DNMT3A: variants seen among roughly 807,000 people sequenced by gnomAD.
The protein encoded by DNMT3A is DNA methyltransferase 3 alpha, also known as DNA (cytosine-5)-methyltransferase 3A.
DNMT3A carries 267 observed loss-of-function variants against 117.6 expected under a neutral mutation model. The observed-to-expected ratio is 2.27, with a 90% CI of 2.05 to 2.51. The LOEUF is 2.51. DNMT3A is among the 30% of genes most tolerant of loss of function. The probability of loss-of-function intolerance (pLI) is 0.00; values close to 1 mark genes in which losing one functional copy is unlikely to be tolerated. For synonymous variants in DNMT3A, 432 were observed against 474.8 expected, an observed-to-expected ratio of 0.91 and a Z score of 1.17; for missense variants, 1,029 against 1,260.2, an observed-to-expected ratio of 0.82 and a Z score of 2.78.
rs1379572994 is a variant in DNMT3A at position 25,305,689 on chromosome 2, T to C, written c.73-5446A>G. Among the ~76,000 whole-genome samples the C allele has an allele frequency of 6.6e-6, 1 of 152,142 alleles. No individual in the cohort carries two copies. The highest frequency in any genetic ancestry group is 1.5e-5 in the Non-Finnish European group (1 of 68,018). ...GTCTTTCTACTGCAACATGCCACTA[T>C]ACCCTACCATGTCAACAGGCACACA... On this transcript the variant is annotated intron_variant, in intron 2 of 22. Coordinates refer to ENST00000321117, the MANE Select transcript of DNMT3A (RefSeq NM_022552.5). The surrounding 1 kb of genome is among the most constrained non-coding windows in gnomAD (Gnocchi z 4.1).
chr2:25,233,798 C>CAA lies in DNMT3A; in HGVS notation c.*479_*480dup, dbSNP rs746335384. The CAA allele has an allele frequency of 2.2e-4, 36 of 162,184 alleles. No individual in the cohort carries two copies. Among genetic ancestry groups the CAA allele is most frequent in the African/African-American group, 3.5e-4 (12 of 34,738 alleles). The allele number at this position is 162,184 out of a possible 1,614,324, so 10.0% of individuals were successfully genotyped here. ...AAACCCAAAAAAAAAAAACAAAAAA[C>CAA]AAAAAAAAAAACAACCCAATATATA... is the stretch of plus-strand genomic sequence containing the variant. On this transcript the variant is annotated 3_prime_UTR_variant, in exon 23 of 23. Transcript: ENST00000321117.
chr2:25,244,787 A>G (rs1674542066), intron 13 of DNMT3A, 135 bp from the exon 14 acceptor site: 4 of 718,950 alleles, frequency 5.6e-6, no homozygotes, highest in South Asian at 3.4e-5. Context: ...AGCCAGGGTC[A>G]GGCCCCAGCT....
chr2:25,319,181 A>C (rs2034499189), intron 1 of DNMT3A, among the ~76,000 whole-genome samples: 1 of 145,814 alleles, frequency 6.9e-6, no homozygotes, highest in African/African-American at 2.6e-5. Flanking sequence ...CACCCGGCTA[A>C]TTTTTTGTAT....
In DNMT3A at chr2:25,247,456, CCACCACA is replaced by C; in HGVS notation, c.1014+128_1014+134del. 7.4e-7 allele frequency: 1 copy of C among 1,353,198 alleles called. No individual in the cohort carries two copies. The highest frequency in any genetic ancestry group is 1.4e-5 in the South Asian group (1 of 70,784). 83.8% of individuals were successfully genotyped at this position (1,353,198 alleles called of 1,614,324 possible). On this transcript the variant is annotated intron_variant, in intron 8 of 22. Transcript: ENST00000321117. This position sits in a 1 kb window ranked among gnomAD's most constrained non-coding sequence, Gnocchi z 5.6. ...TAATTATCCCTACAGCTTCTTCCAC[CCACCACA>C]GGCAGAGTAGGGGTGAGCAGAACCC...
At position 25,282,338 on chromosome 2, in the gene DNMT3A, G is replaced by A. The variant is rs776091020; in HGVS notation, c.448+103C>T. The A allele has an allele frequency of 2.4e-5, 36 of 1,518,534 alleles. No individual in the cohort carries two copies. The highest frequency in any genetic ancestry group is 3.0e-5 in the Non-Finnish European group (34 of 1,126,872). The allele number at this position is 1,518,534 out of a possible 1,614,324, so 94.1% of individuals were successfully genotyped here. On this transcript the variant is annotated intron_variant, in intron 4 of 22. Transcript: ENST00000321117. This position sits in a 1 kb window ranked among gnomAD's most constrained non-coding sequence, Gnocchi z 5.2. ...CCTTGGCAAGCAGACCTTTAGCCAC[G>A]ACCCAGACCATCCTTCCTGGGACCT...
At chr2:25,318,576 G>A (rs771275674) in intron 1 of DNMT3A, among the ~76,000 whole-genome samples, 10 of 151,540 alleles carry the variant, frequency 6.6e-5, no homozygotes, top group African/African-American at 9.7e-5. Flanking sequence ...GTGAGCCACC[G>A]TGCCCAGCCA....
chr2:25,339,628 G>A lies in DNMT3A; in HGVS notation c.-178+2198C>T, dbSNP rs147672267. Among the ~76,000 whole-genome samples, 1,281 of 152,288 alleles carry A rather than the reference G, an allele frequency of 8.4e-3. 15 individuals carry two copies. The highest frequency in any genetic ancestry group is 0.029 in the African/African-American group (1,210 of 41,550). On this transcript the variant is annotated intron_variant, in intron 1 of 22. Transcript: ENST00000321117. This position sits in a 1 kb window ranked among gnomAD's most constrained non-coding sequence, Gnocchi z 4.9. ...CACCTTGACAGAGCCACCTGTCACA[G>A]CCCAAGCAGGGCCTCGGTAGAACCT...
At chr2:25,249,786 C>G (rs775332059) in intron 6 of DNMT3A, 12 of 1,582,170 alleles carry the variant, frequency 7.6e-6, no homozygotes, top group Non-Finnish European at 9.6e-6. Context: ...TTTACTGAAT[C>G]TAGGAAACAC....
intron 17 of DNMT3A, 66 bp downstream of exon 17, chr2:25,241,496 G>T: frequency 2.0e-6 from 3 of 1,537,096 alleles, no homozygotes; most frequent in Non-Finnish European, 2.6e-6. Context: ...AGGAGGCAAG[G>T]GCTGCCTCCA....
rs1230675576 is a variant in DNMT3A, at chr2:25,236,849, CG to C, written c.2478+86del. ...TCTCCACACTAGCTGGAGAAGCAGGCGGGACAAGGCCCTGGCCACCGCTCCA... is the reference window on the plus strand; with the variant it reads ...TCTCCACACTAGCTGGAGAAGCAGGCGGACAAGGCCCTGGCCACCGCTCCA... On this transcript the variant is annotated intron_variant, in intron 21 of 22. Coordinates refer to ENST00000321117, the MANE Select transcript of DNMT3A (RefSeq NM_022552.5). This position sits in a 1 kb window ranked among gnomAD's most constrained non-coding sequence, Gnocchi z 4.5. 5.1e-6 allele frequency: 7 copies of C among 1,374,244 alleles called. No homozygotes were observed. Among genetic ancestry groups the C allele is most frequent in the Non-Finnish European group, 7.0e-6 (7 of 1,002,062 alleles). 85.1% of individuals were successfully genotyped at this position (1,374,244 alleles called of 1,614,324 possible).
Position 25,237,084 on chromosome 2 carries a change from C to T in DNMT3A, c.2409-79G>A. ...GGCCCCAGCTGCACGACTCCCCTCC[C>T]TCCCCCAGCAGCCACTAGTTCACAG... On this transcript the variant is annotated intron_variant, in intron 20 of 22. Transcript: ENST00000321117. The surrounding 1 kb of genome is among the most constrained non-coding windows in gnomAD (Gnocchi z 5.4). 3 of 1,433,378 alleles carry T rather than the reference C, an allele frequency of 2.1e-6. No individual in the cohort carries two copies. The highest frequency in any genetic ancestry group is 2.9e-6 in the Non-Finnish European group (3 of 1,035,792). 88.8% of individuals were successfully genotyped at this position (1,433,378 alleles called of 1,614,324 possible).
At chr2:25,279,659 G>A (rs865981921) in intron 4 of DNMT3A, among the ~76,000 whole-genome samples, 1 of 152,030 alleles carries the variant, frequency 6.6e-6, no homozygotes, top group African/African-American at 2.4e-5. Flanking sequence ...GGACCACACA[G>A]GAGTGTACCA....
chr2:25,341,879 C>G lies in DNMT3A; in HGVS notation c.-231G>C. 1.0e-6 allele frequency: 1 copy of G among 980,188 alleles called. No individual in the cohort carries two copies. The highest frequency in any genetic ancestry group is 1.2e-6 in the Non-Finnish European group (1 of 827,668). 60.7% of individuals were successfully genotyped at this position (980,188 alleles called of 1,614,324 possible). On this transcript the variant is annotated 5_prime_UTR_variant, in exon 1 of 23. Transcript: ENST00000321117. Reference sequence around the variant, plus strand: ...GGCTGCGCGCCCTGGTGCCGCGGCGCCGCGTCCCGGCTCGTCCTCTGCTCT... The same window carrying G: ...GGCTGCGCGCCCTGGTGCCGCGGCGGCGCGTCCCGGCTCGTCCTCTGCTCT...
intron 2 of DNMT3A, among the ~76,000 whole-genome samples, chr2:25,307,778 T>C (rs2033864212): frequency 6.6e-6 from 1 of 152,204 alleles, no homozygotes; most frequent in Admixed American, 6.5e-5. Flanking sequence ...TCTTCTATTC[T>C]GCACAGCTGA....
chr2:25,316,224 C>T (rs114457991), intron 1 of DNMT3A, among the ~76,000 whole-genome samples: 99 of 152,310 alleles, frequency 6.5e-4, no homozygotes, highest in Non-Finnish European at 1.1e-3. Flanking sequence ...GCATCTGTGC[C>T]GCCACGGGTG....
At chr2:25,277,085 G>A (rs1412563022) in intron 4 of DNMT3A, among the ~76,000 whole-genome samples, 2 of 152,174 alleles carry the variant, frequency 1.3e-5, no homozygotes, top group African/African-American at 2.4e-5. Flanking sequence ...CCGTGGGTGC[G>A]GGCCTGGCGC....
chr2:25,314,299 A>C (rs2034276184), intron 1 of DNMT3A, 138 bp from the exon 2 acceptor site: 1 of 1,196,502 alleles, frequency 8.4e-7, no homozygotes, highest in South Asian at 2.7e-5. Flanking sequence ...CCCAGAGAGC[A>C]GAGAAACCGA....
rs1675060098 is a variant in DNMT3A at position 25,248,085 on chromosome 2, A to C, written c.807T>G (p.Ala269=). ...CTGCTTTGGTGGCATTCTTGTCCCCAGCATCGGACCCCACGGGCTCAGGCG... is the reference window on the plus strand; with the variant it reads ...CTGCTTTGGTGGCATTCTTGTCCCCCGCATCGGACCCCACGGGCTCAGGCG... ...ATTPEPVGSD[A]GDKNATKAGD... Residue 269 remains alanine, a synonymous_variant, in exon 7 of 23, where the codon GCT becomes GCG. Coordinates refer to ENST00000321117, the MANE Select transcript of DNMT3A (RefSeq NM_022552.5). 1 of 1,613,052 alleles carries C rather than the reference A, an allele frequency of 6.2e-7. No individual in the cohort carries two copies. Among genetic ancestry groups the C allele is most frequent in the African/African-American group, 1.3e-5 (1 of 74,966 alleles).
intron 6 of DNMT3A, among the ~76,000 whole-genome samples, chr2:25,260,861 G>T (rs1336169064): frequency 1.3e-5 from 2 of 152,184 alleles, no homozygotes; most frequent in Non-Finnish European, 2.9e-5. Flanking sequence ...GGGCATGGTG[G>T]CACGTGCCTG....
Sources: gnomAD v4.1 joint callset for allele counts (sites outside exome capture counted in the v4.1 genomes callset) on GRCh38, gnomAD v4.1.1 for gene constraint, Gnocchi (gnomAD v3.1) non-coding constraint, MANE v1.5 for transcripts, NCBI Gene and HGNC (gene_info 2026-07-23, HGNC 2026-07-21) for gene names.